Variants in SEMA3D observed in about 807,000 individuals in gnomAD.
SEMA3D encodes semaphorin 3D.
Under a neutral mutation model 100.1 loss-of-function variants are expected in SEMA3D, and 84 were observed. The observed-to-expected ratio is 0.84, with a 90% CI of 0.70 to 1.01. The LOEUF (loss-of-function observed/expected upper bound fraction) is 1.01, where lower values mean the gene tolerates loss of function less well. Ranked by LOEUF, SEMA3D falls within the 50% of genes least tolerant of loss-of-function variation. SEMA3D has a pLI of 0.00. For synonymous variants in SEMA3D, 312 were observed against 320.7 expected (o/e 0.97, Z 0.29); for missense variants, 875 against 934.1 (o/e 0.94, Z 0.82).
the SEMA3D span, among the ~76,000 whole-genome samples, chr7:85,231,240 C>T: frequency 1.3e-5 from 2 of 151,982 alleles, no homozygotes; most frequent in Admixed American, 6.6e-5. Context: ...CTTTATCGTA[C>T]GTATCCATCT....
chr7:84,997,184 C>A lies in SEMA3D; in HGVS notation c.*2256G>T, dbSNP rs541431303. The A allele has an allele frequency of 3.3e-5, 5 of 152,068 alleles. No homozygotes were observed. In the South Asian group the frequency reaches 1.0e-3, roughly 32 times the overall value. 9.4% of individuals were successfully genotyped at this position (152,068 alleles called of 1,614,324 possible). A position where few individuals can be genotyped will look rare whatever the true frequency, so the allele number is the denominator to read the frequency against. ...AGAAGTAACTAAAAAATGGTTTGGA[C>A]ATTCAAATTTGGATAGAAATAAAAT... On this transcript the variant is annotated 3_prime_UTR_variant, in exon 19 of 19. Coordinates refer to ENST00000284136, the MANE Select transcript of SEMA3D (RefSeq NM_001384900.1).
At chr7:85,054,937 G>A (rs1413636682) in intron 9 of SEMA3D, among the ~76,000 whole-genome samples, 2 of 152,074 alleles carry the variant, frequency 1.3e-5, no homozygotes, top group South Asian at 2.1e-4. Flanking sequence ...TCAGTCAAAT[G>A]AGAGCTTTGA....
Position 85,042,213 on chromosome 7 carries a change from T to A in SEMA3D, c.934A>T (p.Ile312Phe). 6.2e-7 allele frequency: 1 copy of A among 1,613,688 alleles called. No homozygotes were observed. The highest frequency in any genetic ancestry group is 8.5e-7 in the Non-Finnish European group (1 of 1,179,706). The change falls in exon 10 of 19, where the codon ATT (isoleucine) becomes TTT (phenylalanine). Residue 312 changes from isoleucine (I) to phenylalanine (F), a missense_variant. By Grantham distance (21) the Ile-to-Phe change is conservative (BLOSUM62 0). Transcript: ENST00000284136. ...TFLKARLICS[I>F]PGSDGADTYF... ...GTATCTGCCCCATCACTTCCAGGAA[T>A]TGAGCAAATCAGTCTGGCCTTAAGA...
At chr7:85,088,013 A>G (rs562992439) in intron 4 of SEMA3D, among the ~76,000 whole-genome samples, 2 of 152,260 alleles carry the variant, frequency 1.3e-5, no homozygotes, top group East Asian at 3.9e-4. Flanking sequence ...AATATAGTGT[A>G]AACTGTCTGA....
At chr7:85,004,181 A>T (rs1236103147) in intron 18 of SEMA3D, among the ~76,000 whole-genome samples, 3 of 152,096 alleles carry the variant, frequency 2.0e-5, no homozygotes, top group Non-Finnish European at 4.4e-5. Flanking sequence ...AAATGCTCAC[A>T]GTGCAATGGT....
chr7:85,062,272 A>C (rs1320541844), intron 8 of SEMA3D, among the ~76,000 whole-genome samples: 2 of 152,184 alleles, frequency 1.3e-5, no homozygotes, highest in East Asian at 3.9e-4. Flanking sequence ...CAAAGATAGG[A>C]CTAGCATGGA....
chr7:85,201,042 G>C, the SEMA3D span, among the ~76,000 whole-genome samples: 1 of 152,170 alleles, frequency 6.6e-6, no homozygotes, highest in Non-Finnish European at 1.5e-5. Context: ...AGAAGTTTGG[G>C]TATGTGGATT....
chr7:85,214,344 A>T, the SEMA3D span, among the ~76,000 whole-genome samples: 1 of 152,162 alleles, frequency 6.6e-6, no homozygotes, highest in Non-Finnish European at 1.5e-5. Context: ...TGTTTGCACT[A>T]TATTACTAAT....
At chr7:85,019,052 G>A (rs910626311) in intron 14 of SEMA3D, among the ~76,000 whole-genome samples, 2 of 151,526 alleles carry the variant, frequency 1.3e-5, no homozygotes, top group Non-Finnish European at 3.0e-5. Context: ...CTATCAAATA[G>A]CATTTTTGTT....
At chr7:85,249,328 A>T in the SEMA3D span, among the ~76,000 whole-genome samples, 21 of 152,324 alleles carry the variant, frequency 1.4e-4, no homozygotes, top group African/African-American at 4.6e-4. Flanking sequence ...AAAAACTGAC[A>T]CAGGAAAGAA....
At chr7:85,171,500 C>A (rs1791081032) in intron 1 of SEMA3D, among the ~76,000 whole-genome samples, 1 of 151,898 alleles carries the variant, frequency 6.6e-6, no homozygotes, top group Non-Finnish European at 1.5e-5. Context: ...TCTTCCCTAC[C>A]TGTGTTCATT....
chr7:85,094,310 T>C (rs2269993), intron 4 of SEMA3D, among the ~76,000 whole-genome samples: 55,339 of 151,854 alleles, frequency 0.36, 11,036 homozygotes, highest in African/African-American at 0.53. Flanking sequence ...GTGAGTGAGA[T>C]ACATTCAGAC....
At chr7:85,088,019 TCTGA>T (rs945534048) in intron 4 of SEMA3D, among the ~76,000 whole-genome samples, 12 of 152,294 alleles carry the variant, frequency 7.9e-5, no homozygotes, top group Admixed American at 2.6e-4. Context: ...GTGTAAACTG[TCTGA>T]ATTTATATTG....
At chr7:85,066,817 T>C (rs1372995538) in intron 7 of SEMA3D, among the ~76,000 whole-genome samples, 7 of 151,776 alleles carry the variant, frequency 4.6e-5, no homozygotes, top group Admixed American at 3.9e-4. Flanking sequence ...TCCATCTAAA[T>C]AAGCTTTCAA....
intron 1 of SEMA3D, among the ~76,000 whole-genome samples, chr7:85,178,219 A>C (rs1791294190): frequency 6.6e-6 from 1 of 152,198 alleles, no homozygotes; most frequent in Non-Finnish European, 1.5e-5. Context: ...AAAACAAGCT[A>C]ACACAGTAAA....
At chr7:85,142,598 A>G (rs1197303276) in intron 2 of SEMA3D, 6 of 984,796 alleles carry the variant, frequency 6.1e-6, no homozygotes, top group Non-Finnish European at 7.2e-6. Context: ...AGGAAGAAGA[A>G]TAAAGGCTTT....
rs1397786976 is a variant in SEMA3D, at chr7:85,053,217, A to C, written c.861+2500T>G. Among the ~76,000 whole-genome samples the C allele has an allele frequency of 4.8e-4, 73 of 152,104 alleles. 2 individuals carry two copies. Among genetic ancestry groups the C allele is most frequent in the Admixed American group, 4.7e-3 (72 of 15,232 alleles). On this transcript the variant is annotated intron_variant, in intron 9 of 18. Coordinates refer to ENST00000284136, the MANE Select transcript of SEMA3D (RefSeq NM_001384900.1). ...ATAAAGGACTCTCATGTTACTAAAA[A>C]ATCTTTGTAAAACTCAGTGAAGCAT... is the stretch of plus-strand genomic sequence containing the variant.
chr7:85,044,290 C>T (rs1037264747), intron 9 of SEMA3D, among the ~76,000 whole-genome samples: 5 of 151,874 alleles, frequency 3.3e-5, no homozygotes, highest in Non-Finnish European at 5.9e-5. Context: ...GAAAGGAAAC[C>T]AGAGACCAGA....
intron 12 of SEMA3D, among the ~76,000 whole-genome samples, chr7:85,026,158 A>T (rs1175912536): frequency 1.3e-5 from 2 of 152,020 alleles, no homozygotes; most frequent in Non-Finnish European, 2.9e-5. Context: ...AATCTGTTTT[A>T]GGAATCTGGA....
Sources: gnomAD v4.1 joint callset for allele counts (sites outside exome capture counted in the v4.1 genomes callset) on GRCh38, gnomAD v4.1.1 for gene constraint, MANE v1.5 for transcripts, NCBI Gene and HGNC (gene_info 2026-07-23, HGNC 2026-07-21) for gene names.